XIRP2: variants seen among roughly 807,000 people sequenced by gnomAD.
The protein encoded by XIRP2 is xin actin binding repeat containing 2.
Under a neutral mutation model 277.0 loss-of-function variants are expected in XIRP2, and 236 were observed. The observed-to-expected ratio is 0.85, with a 90% CI of 0.77 to 0.95. The LOEUF is 0.95. XIRP2 is among the 40% of genes least tolerant of loss of function. XIRP2 has a pLI of 0.00. For synonymous variants in XIRP2, 1,490 were observed against 1,416.5 expected (o/e 1.05, Z -1.17); for missense variants, 4,640 against 4,157.5 (o/e 1.12, Z -3.19).
intron 2 of XIRP2, among the ~76,000 whole-genome samples, chr2:166,999,125 TA>T (rs1342252711): frequency 1.3e-5 from 2 of 152,164 alleles, no homozygotes; most frequent in Non-Finnish European, 2.9e-5. Flanking sequence ...AATAAATACA[TA>T]AAAATATTTG....
intron 1 of XIRP2, among the ~76,000 whole-genome samples, chr2:166,893,746 T>A (rs1328849126): frequency 6.6e-6 from 1 of 152,142 alleles, no homozygotes; most frequent in Non-Finnish European, 1.5e-5. Flanking sequence ...TGCTTAAAAC[T>A]CTTCATTCAC....
rs544980582 is a variant in XIRP2 at position 167,026,986 on chromosome 2, T to C, written c.409-108923T>C. Reference sequence around the variant, plus strand: ...TGAATCTGACAATTATGTGTCTTGGTGTTGCTCTTCTTGAGGAGTATCTTT... The same window carrying C: ...TGAATCTGACAATTATGTGTCTTGGCGTTGCTCTTCTTGAGGAGTATCTTT... On this transcript the variant is annotated intron_variant, in intron 2 of 10. Transcript: ENST00000409195. Among the ~76,000 whole-genome samples the C allele has an allele frequency of 3.3e-5, 5 of 152,190 alleles. No individual in the cohort carries two copies. In the Middle Eastern group the frequency reaches 0.01, roughly 311 times the overall value.
In XIRP2 at chr2:167,210,721, C is replaced by T; in HGVS notation, c.563-14C>T. On this transcript the variant is annotated splice_polypyrimidine_tract_variant and intron_variant, in intron 3 of 10. Coordinates refer to ENST00000409195, the MANE Select transcript of XIRP2 (RefSeq NM_152381.6). ...CTTAACACACATGTGTAAGCATGCT[C>T]TGTTTGCTTTCAGCGACTGCTGGCC... is the stretch of plus-strand genomic sequence containing the variant. 1 of 1,613,980 alleles carries T rather than the reference C, an allele frequency of 6.2e-7. No homozygotes were observed. The highest frequency in any genetic ancestry group is 8.5e-7 in the Non-Finnish European group (1 of 1,179,878).
At chr2:167,231,814 C>A (rs1430164908) in intron 5 of XIRP2, among the ~76,000 whole-genome samples, 1 of 151,972 alleles carries the variant, frequency 6.6e-6, no homozygotes, top group Non-Finnish European at 1.5e-5. Flanking sequence ...CAGGAGATTA[C>A]TCCAATTTCA....
At chr2:167,209,393 G>T (rs1164794828) in intron 3 of XIRP2, among the ~76,000 whole-genome samples, 1 of 152,128 alleles carries the variant, frequency 6.6e-6, no homozygotes, top group Non-Finnish European at 1.5e-5. Flanking sequence ...CAATAAGATG[G>T]TTCAACATGG....
At chr2:166,896,600 A>C (rs1684249908) in intron 1 of XIRP2, among the ~76,000 whole-genome samples, 1 of 152,090 alleles carries the variant, frequency 6.6e-6, no homozygotes, top group Non-Finnish European at 1.5e-5. Context: ...AAAGAGTCAA[A>C]AAGTTTTAAA....
At chr2:167,095,108 CTTTG>C (rs1399040456) in intron 2 of XIRP2, among the ~76,000 whole-genome samples, 2 of 151,966 alleles carry the variant, frequency 1.3e-5, no homozygotes, top group Non-Finnish European at 2.9e-5. Flanking sequence ...CATGATTTGG[CTTTG>C]TTTGTCTATT....
intron 2 of XIRP2, among the ~76,000 whole-genome samples, chr2:166,926,340 T>A (rs1685188189): frequency 6.6e-6 from 1 of 152,064 alleles, no homozygotes; most frequent in Non-Finnish European, 1.5e-5. Flanking sequence ...CAAAACAATA[T>A]TCTGTACCTC....
In XIRP2 at chr2:167,179,895, G is replaced by A. The variant is rs192696380; in HGVS notation, c.563-30840G>A. On this transcript the variant is annotated intron_variant, in intron 3 of 10. Transcript: ENST00000409195. ...ACTCCTGGGCTCAGGTCATCCTTTC[G>A]CCCCACACACCCAAAGTACTGGATT... 9.3e-4 allele frequency among the ~76,000 whole-genome samples: 142 copies of A among 151,996 alleles called. No homozygotes were observed. The East Asian group carries it at 0.011, about 12-fold the overall frequency.
At position 167,251,853 on chromosome 2, in the gene XIRP2, T is replaced by C. The variant is rs1457472291; in HGVS notation, c.10461T>C (p.Ser3487=). ...ATTTTCAAAAGACGTGGCAAGAGAGTGGAAGAGTTTTTAAAGGCCTGGGAT... is the reference window on the plus strand; with the variant it reads ...ATTTTCAAAAGACGTGGCAAGAGAGCGGAAGAGTTTTTAAAGGCCTGGGAT... The part of the protein sequence containing the change: ...RKNFQKTWQE[S]GRVFKGLGYA... The change falls in exon 9 of 11, where the codon AGT becomes AGC. Residue 3487 remains serine (S), a synonymous_variant. Transcript: ENST00000409195. 6.2e-7 allele frequency: 1 copy of C among 1,611,892 alleles called. No individual in the cohort carries two copies. Among genetic ancestry groups the C allele is most frequent in the Non-Finnish European group, 8.5e-7 (1 of 1,179,174 alleles).
intron 2 of XIRP2, among the ~76,000 whole-genome samples, chr2:166,967,242 A>G (rs534433066): frequency 6.6e-6 from 1 of 152,056 alleles, no homozygotes; most frequent in South Asian, 2.1e-4. Flanking sequence ...AGAAGAAGAT[A>G]GACTCACTGT....
intron 2 of XIRP2, among the ~76,000 whole-genome samples, chr2:167,033,167 A>T (rs142915392): frequency 0.014 from 2,122 of 152,258 alleles, 52 homozygotes; most frequent in African/African-American, 0.047. Context: ...GGAAAGCATC[A>T]TTCTCAGCAA....
intron 2 of XIRP2, among the ~76,000 whole-genome samples, chr2:166,999,713 G>C (rs968296144): frequency 6.6e-6 from 1 of 152,046 alleles, no homozygotes; most frequent in Non-Finnish European, 1.5e-5. Context: ...CAGTCTTACA[G>C]GGAAACATAG....
chr2:167,216,801 A>G (rs1399910266), intron 4 of XIRP2, among the ~76,000 whole-genome samples: 1 of 109,998 alleles, frequency 9.1e-6, no homozygotes, highest in Non-Finnish European at 1.7e-5. Context: ...CCAAATGACT[A>G]TAAATCATGC....
chr2:167,150,066 C>T (rs1558997701), intron 3 of XIRP2, among the ~76,000 whole-genome samples: 1 of 151,858 alleles, frequency 6.6e-6, no homozygotes, highest in African/African-American at 2.4e-5. Context: ...ACAATATACT[C>T]ATGTAACAAA....
intron 2 of XIRP2, among the ~76,000 whole-genome samples, chr2:167,041,675 G>T (rs976684470): frequency 6.6e-6 from 1 of 152,096 alleles, no homozygotes; most frequent in Non-Finnish European, 1.5e-5. Flanking sequence ...AATGAGGAAT[G>T]ATGTAAAGAG....
rs1489592898 is a variant in XIRP2, at chr2:167,251,669, A to G, written c.10277A>G (p.Glu3426Gly). The G allele has an allele frequency of 1.9e-6, 3 of 1,613,316 alleles. No individual in the cohort carries two copies. In the African/African-American group the frequency reaches 4.0e-5, roughly 22 times the overall value. ...CATTTCTCAGGCATGGATGCATTTG[A>G]GAGTCAAATTGTTGAGTCGAAGATG... ...SEHFSGMDAF[E>G]SQIVESKMKT... is the part of the protein sequence containing the mutation. The change falls in exon 9 of 11, where the codon GAG becomes GGG. Residue 3426 changes from glutamate (E) to glycine (G), a missense_variant. Transcript: ENST00000409195.
rs1233506591 is a variant in XIRP2 at position 167,211,127 on chromosome 2, CAG to C, written c.723+235_723+236del. On this transcript the variant is annotated intron_variant, in intron 4 of 10. Coordinates refer to ENST00000409195, the MANE Select transcript of XIRP2 (RefSeq NM_152381.6). The stretch of plus-strand genomic sequence containing the variant: ...TATTTATTTTTTATTTTTTTTGAGA[CAG>C]AGTCTTGCTCTGTCATCCAGGCTGG... Among the ~76,000 whole-genome samples, 5 of 152,128 alleles carry C rather than the reference CAG, an allele frequency of 3.3e-5. No individual in the cohort carries two copies. The South Asian group carries it at 8.3e-4, about 25-fold the overall frequency.
intron 1 of XIRP2, among the ~76,000 whole-genome samples, chr2:166,902,614 GTT>G (rs1491201568): frequency 1.1e-4 from 17 of 151,964 alleles, no homozygotes; most frequent in East Asian, 5.8e-4. Flanking sequence ...GTGTGTGTGT[GTT>G]TGTGTTTCTG....
Sources: allele counts gnomAD v4.1 joint callset (sites outside exome capture counted in the v4.1 genomes callset), GRCh38; gene constraint gnomAD v4.1.1; transcripts MANE v1.5; gene names NCBI Gene and HGNC (gene_info 2026-07-23, HGNC 2026-07-21).